STYK1: variants seen among roughly 807,000 people sequenced by gnomAD.
STYK1 encodes tyrosine-protein kinase STYK1.
Under a neutral mutation model 48.1 loss-of-function variants are expected in STYK1, and 46 were observed. That is an observed-to-expected ratio of 0.96 (90% CI 0.75 to 1.22). The LOEUF is 1.22. STYK1 is among the 50% of genes most tolerant of loss of function. The pLI is 0.00. For synonymous variants in STYK1, 188 were observed against 189.0 expected, an observed-to-expected ratio of 0.99 and a Z score of 0.04; for missense variants, 527 against 521.1, an observed-to-expected ratio of 1.01 and a Z score of -0.11.
chr12:10,657,503 T>C (rs1341448623), intron 1 of STYK1, among the ~76,000 whole-genome samples: 2 of 152,264 alleles, frequency 1.3e-5, no homozygotes, highest in South Asian at 2.1e-4. Flanking sequence ...ATAAAGACAG[T>C]TTTAAAGATT....
rs1314572170 is a variant in STYK1, at chr12:10,627,718, T to C, written c.640A>G (p.Met214Val). 1.2e-6 allele frequency: 2 copies of C among 1,611,032 alleles called. No homozygotes were observed. Among genetic ancestry groups the C allele is most frequent in the Non-Finnish European group, 1.7e-6 (2 of 1,179,146 alleles). Residue 214 changes from methionine to valine, a missense_variant, in exon 7 of 11, where the codon ATG becomes GTG. Transcript: ENST00000075503. Reference protein sequence around the residue: ...SFLWTCRRDVMTMDGLLYDLT... With the variant: ...SFLWTCRRDVVTMDGLLYDLT... ...TCATAGAGAAGACCATCCATAGTCA[T>C]CACATCCTAAAGAGACAGGGAAAAA...
At chr12:10,640,606 T>G (rs1321204036) in intron 1 of STYK1, 1 of 152,184 alleles carries the variant, frequency 6.6e-6, no homozygotes, top group Non-Finnish European at 1.5e-5. Context: ...GGAACCCCTT[T>G]CCACCATGGT....
chr12:10,621,873 T>C lies in STYK1; in HGVS notation c.1064+3A>G, dbSNP rs1186398983. 2 of 1,613,594 alleles carry C rather than the reference T, an allele frequency of 1.2e-6. No individual in the cohort carries two copies. Among genetic ancestry groups the C allele is most frequent in the East Asian group, 2.2e-5 (1 of 44,862 alleles). ...GAGGAGCAGGCCTTTAAAAACCACT[T>C]ACATGGTATGTGTGCAGCTACTGGG... On this transcript the variant is annotated splice_donor_region_variant and intron_variant, in intron 10 of 10. Transcript: ENST00000075503.
intron 7 of STYK1, among the ~76,000 whole-genome samples, chr12:10,625,864 G>C (rs556795168): frequency 6.6e-6 from 1 of 152,114 alleles, no homozygotes; most frequent in Non-Finnish European, 1.5e-5. Context: ...CCTGGTAACC[G>C]ACATTTTTAA....
intron 1 of STYK1, among the ~76,000 whole-genome samples, chr12:10,658,778 T>A (rs886902954): frequency 1.3e-5 from 2 of 152,214 alleles, no homozygotes; most frequent in African/African-American, 4.8e-5. Flanking sequence ...TTCTTGGTTA[T>A]GTGTCCCAAA....
At chr12:10,626,830 C>T (rs573605523) in intron 7 of STYK1, among the ~76,000 whole-genome samples, 44 of 152,150 alleles carry the variant, frequency 2.9e-4, no homozygotes, top group Non-Finnish European at 5.0e-4. Context: ...CACAGTGAAA[C>T]CCCGTCTCTA....
chr12:10,647,555 C>A (rs1236600534), intron 1 of STYK1, among the ~76,000 whole-genome samples: 1 of 152,100 alleles, frequency 6.6e-6, no homozygotes, highest in Non-Finnish European at 1.5e-5. Flanking sequence ...AGATGTTGAA[C>A]TGTGGACTTT....
At chr12:10,621,834 C>A (rs768740393) in intron 10 of STYK1, 42 bp downstream of exon 10, 8 of 1,575,332 alleles carry the variant, frequency 5.1e-6, no homozygotes. Flanking sequence ...GGCTAAACAA[C>A]ATTTGGAATG....
At chr12:10,662,007 A>G (rs2125097) in intron 1 of STYK1, among the ~76,000 whole-genome samples, 148,206 of 152,274 alleles carry the variant, frequency 0.97, 72,239 homozygotes, top group East Asian at 1. Context: ...CCCAATAGCA[A>G]TCATTCCCTA....
intron 7 of STYK1, 50 bp from the exon 8 acceptor site, chr12:10,624,909 G>A (rs780793104): frequency 1.3e-6 from 2 of 1,546,516 alleles, no homozygotes; most frequent in Admixed American, 3.3e-5. Context: ...CACAGCTTGG[G>A]TCACAGACAA....
chr12:10,627,274 CTTG>C (rs1446329854), intron 7 of STYK1, among the ~76,000 whole-genome samples: 1 of 152,202 alleles, frequency 6.6e-6, no homozygotes, highest in Non-Finnish European at 1.5e-5. Flanking sequence ...CTTCTCCCTA[CTTG>C]CTTCCCTATC....
intron 8 of STYK1, among the ~76,000 whole-genome samples, chr12:10,624,085 C>A (rs547287199): frequency 5.8e-4 from 85 of 146,162 alleles, no homozygotes; most frequent in Non-Finnish European, 1.1e-3. Flanking sequence ...ATAATCTTTT[C>A]ACTTTTTTTT....
intron 5 of STYK1, among the ~76,000 whole-genome samples, chr12:10,630,032 GGAGAGAGAGAGAGAGAGAGA>G (rs11268204): frequency 0.013 from 1,825 of 137,314 alleles, 51 homozygotes; most frequent in African/African-American, 0.044. Context: ...ATCATGAAGA[GGAGAGAGAGAGAGAGAGAGA>G]GAGAGAGAGA....
intron 1 of STYK1, among the ~76,000 whole-genome samples, chr12:10,646,458 A>G (rs1395318975): frequency 6.6e-6 from 1 of 152,198 alleles, no homozygotes; most frequent in African/African-American, 2.4e-5. Flanking sequence ...GGTATCTGAC[A>G]AAGAAATTTC....
At chr12:10,639,995 G>T (rs1947526376) in intron 1 of STYK1, among the ~76,000 whole-genome samples, 1 of 151,764 alleles carries the variant, frequency 6.6e-6, no homozygotes, top group Admixed American at 6.6e-5. Flanking sequence ...TAGGGACATA[G>T]ATGACATCTG....
chr12:10,620,150 C>A lies in STYK1; in HGVS notation c.1263G>T (p.Met421Ile), dbSNP rs1224085993. The A allele has an allele frequency of 6.2e-7, 1 of 1,614,094 alleles. No homozygotes were observed. Among genetic ancestry groups the A allele is most frequent in the Non-Finnish European group, 8.5e-7 (1 of 1,180,056 alleles). Residue 421 changes from methionine to isoleucine, a missense_variant, in exon 11 of 11, where the codon ATG becomes ATT. Met to Ile is a conservative substitution (Grantham distance 10, BLOSUM62 1). Transcript: ENST00000075503. ...GTTTCTTGCCCGAGACTCTTCAAAG[C>A]ATGCTATAGTTGTAGAAGAGGCTCT... ...RVESLFYNYS[M>I]L
In STYK1 at chr12:10,634,614, C is replaced by T; in HGVS notation, c.5G>A (p.Gly2Asp). The T allele has an allele frequency of 6.2e-7, 1 of 1,614,090 alleles. No individual in the cohort carries two copies. The highest frequency in any genetic ancestry group is 1.3e-5 in the African/African-American group (1 of 75,034). ...GCATTCCAGGAGCATCCGTGTCATGCCCATTGCCACAGGGCTGTCCCCTTC... is the reference window on the plus strand; with the variant it reads ...GCATTCCAGGAGCATCCGTGTCATGTCCATTGCCACAGGGCTGTCCCCTTC... M[G>D]MTRMLLECSL... The change falls in exon 3 of 11, where the codon GGC becomes GAC. Residue 2 changes from glycine (G) to aspartate (D), a missense_variant. Transcript: ENST00000075503.
intron 1 of STYK1, among the ~76,000 whole-genome samples, chr12:10,642,233 C>G (rs147211051): frequency 1.0e-3 from 153 of 152,342 alleles, no homozygotes; most frequent in African/African-American, 3.5e-3. Flanking sequence ...TGATGGATAT[C>G]TATTCCTACA....
chr12:10,635,098 T>A (rs905881959), intron 2 of STYK1, among the ~76,000 whole-genome samples: 5 of 152,212 alleles, frequency 3.3e-5, no homozygotes, highest in African/African-American at 7.2e-5. Flanking sequence ...ATATTTTTTT[T>A]AGCTGTGCAT....
Sources: gnomAD v4.1 joint callset for allele counts (sites outside exome capture counted in the v4.1 genomes callset) on GRCh38, gnomAD v4.1.1 for gene constraint, MANE v1.5 for transcripts, NCBI Gene and HGNC (gene_info 2026-07-23, HGNC 2026-07-21) for gene names.